Variants in TLL2 observed in about 807,000 individuals in gnomAD.
The protein encoded by TLL2 is tolloid-like protein 2.
In TLL2, 106 loss-of-function variants were observed where a neutral mutation model predicts 123.0. The observed-to-expected ratio is 0.86, with a 90% CI of 0.74 to 1.01. The LOEUF is 1.01. Among genes scored for constraint, TLL2 ranks in the 50% least tolerant of loss-of-function variants. The pLI is 0.00. For synonymous variants in TLL2, 494 were observed against 516.8 expected, an observed-to-expected ratio of 0.96 and a Z score of 0.60; for missense variants, 1,332 against 1,336.7, an observed-to-expected ratio of 1.00 and a Z score of 0.06.
At chr10:96,404,174 C>T (rs1429392053) in intron 10 of TLL2, among the ~76,000 whole-genome samples, 2 of 152,198 alleles carry the variant, frequency 1.3e-5, no homozygotes, top group Non-Finnish European at 2.9e-5. Flanking sequence ...TGTTGTTTCT[C>T]TATACTTTGT....
At chr10:96,472,454 A>G (rs894964865) in intron 2 of TLL2, among the ~76,000 whole-genome samples, 2 of 152,178 alleles carry the variant, frequency 1.3e-5, no homozygotes, top group African/African-American at 4.8e-5. Flanking sequence ...CCCCATCTAT[A>G]AGCTCTCTCA....
chr10:96,430,276 T>G (rs932615131), intron 4 of TLL2, among the ~76,000 whole-genome samples: 2 of 152,178 alleles, frequency 1.3e-5, no homozygotes, highest in Admixed American at 1.3e-4. Context: ...AAGTGTGTGG[T>G]ACCTACCCCA....
chr10:96,501,281 G>C (rs1847530860), intron 1 of TLL2, among the ~76,000 whole-genome samples: 1 of 152,202 alleles, frequency 6.6e-6, no homozygotes, highest in Non-Finnish European at 1.5e-5. Context: ...GAATATGTTT[G>C]AGTGAACTCA....
intron 3 of TLL2, among the ~76,000 whole-genome samples, chr10:96,444,173 G>A (rs1423327120): frequency 6.6e-6 from 1 of 152,172 alleles, no homozygotes; most frequent in Non-Finnish European, 1.5e-5. Context: ...TGGGAAAGGA[G>A]TACACTTATA....
At chr10:96,476,240 A>T (rs1356332402) in intron 2 of TLL2, among the ~76,000 whole-genome samples, 528 of 20,300 alleles carry the variant, frequency 0.026, 50 homozygotes, top group South Asian at 0.072. Flanking sequence ...ATATATATAT[A>T]TTTTATTTTT....
intron 15 of TLL2, among the ~76,000 whole-genome samples, 181 bp from the exon 16 acceptor site, chr10:96,384,948 T>C (rs1478959092): frequency 6.6e-6 from 1 of 152,202 alleles, no homozygotes; most frequent in Non-Finnish European, 1.5e-5. Context: ...GACCCCTGGC[T>C]CTCCCACTGA....
chr10:96,379,123 A>T, intron 16 of TLL2, 31 bp from the exon 17 acceptor site: 1 of 1,588,174 alleles, frequency 6.3e-7, no homozygotes, highest in Non-Finnish European at 8.6e-7. Flanking sequence ...TTCTAAGAGG[A>T]ACCGCCAACT....
intron 8 of TLL2, among the ~76,000 whole-genome samples, chr10:96,412,654 C>T (rs1329793603): frequency 6.6e-6 from 1 of 152,142 alleles, no homozygotes; most frequent in South Asian, 2.1e-4. Context: ...CTGACCAGCA[C>T]CTAGGATGGC....
At chr10:96,418,477 T>C (rs546623860) in intron 7 of TLL2, among the ~76,000 whole-genome samples, 28 of 152,278 alleles carry the variant, frequency 1.8e-4, no homozygotes, top group Non-Finnish European at 3.4e-4. Flanking sequence ...TGGAAATTTC[T>C]ACCCTCACCT....
At chr10:96,487,958 G>A (rs1281451371) in intron 1 of TLL2, among the ~76,000 whole-genome samples, 2 of 152,142 alleles carry the variant, frequency 1.3e-5, no homozygotes, top group South Asian at 2.1e-4. Context: ...AGTGGCTGAC[G>A]GTGAAGGAAC....
rs184059276 is a variant in TLL2 at position 96,512,717 on chromosome 10, G to C, written c.175+794C>G. Among the ~76,000 whole-genome samples the C allele has an allele frequency of 3.9e-3, 593 of 152,368 alleles. 6 individuals carry two copies. Among genetic ancestry groups the C allele is most frequent in the African/African-American group, 0.013 (531 of 41,590 alleles). ...ACTGCCCCACACTCATCAGCTTGCT[G>C]GAACATGCGCTTGGCCCTTCGGAGG... On this transcript the variant is annotated intron_variant, in intron 1 of 20. Coordinates refer to ENST00000357947, the MANE Select transcript of TLL2 (RefSeq NM_012465.4).
At chr10:96,374,117 C>A in intron 18 of TLL2, 1 of 350,012 alleles carries the variant, frequency 2.9e-6, no homozygotes. Context: ...AGCTATTAAG[C>A]GACAGAGCCA....
chr10:96,448,369 G>T (rs989988700), intron 2 of TLL2, among the ~76,000 whole-genome samples: 2 of 152,208 alleles, frequency 1.3e-5, no homozygotes, highest in Non-Finnish European at 2.9e-5. Context: ...CCTGTGGTGT[G>T]GAGGCGAGCT....
At chr10:96,485,574 C>G (rs1341158238) in intron 1 of TLL2, among the ~76,000 whole-genome samples, 1 of 152,194 alleles carries the variant, frequency 6.6e-6, no homozygotes, top group Non-Finnish European at 1.5e-5. Flanking sequence ...AAATGCAAAT[C>G]AAAACCACAA....
At chr10:96,392,860 G>C (rs1846301630) in intron 13 of TLL2, among the ~76,000 whole-genome samples, 1 of 152,174 alleles carries the variant, frequency 6.6e-6, no homozygotes, top group African/African-American at 2.4e-5. Context: ...GAAGGATCTT[G>C]GAGATGAGGA....
chr10:96,446,393 G>A (rs561489301), intron 2 of TLL2, among the ~76,000 whole-genome samples: 25 of 152,258 alleles, frequency 1.6e-4, no homozygotes, highest in Non-Finnish European at 3.4e-4. Context: ...CACATCAGTC[G>A]CAAATTAATA....
chr10:96,369,760 G>GA (rs112144254), intron 20 of TLL2, among the ~76,000 whole-genome samples: 1,593 of 105,676 alleles, frequency 0.015, 11 homozygotes, highest in Non-Finnish European at 0.017. Flanking sequence ...GGAAAAAAAA[G>GA]AAAAAAAAAA....
chr10:96,409,682 A>C (rs538955271), intron 9 of TLL2, among the ~76,000 whole-genome samples: 4 of 152,306 alleles, frequency 2.6e-5, no homozygotes, highest in Non-Finnish European at 4.4e-5. Context: ...CCCTGGGCTC[A>C]GCTCTAGGGG....
rs761523021 is a variant in TLL2 at position 96,384,649 on chromosome 10, C to A, written c.2132G>T (p.Arg711Leu). The A allele has an allele frequency of 1.2e-6, 2 of 1,612,504 alleles. No homozygotes were observed. Among genetic ancestry groups the A allele is most frequent in the East Asian group, 2.2e-5 (1 of 44,800 alleles). Residue 711 changes from arginine (R) to leucine (L), a missense_variant, in exon 16 of 21, where the codon CGC (arginine) becomes CTC (leucine). Arg to Leu is a moderately radical substitution (Grantham distance 102, BLOSUM62 -2). Coordinates refer to ENST00000357947, the MANE Select transcript of TLL2 (RefSeq NM_012465.4). ...EVITSQSNNM[R>L]VEFKSDNTVS... ...GGTGTTGTCGGACTTGAACTCCACG[C>A]GCATGTTGTTGCTCTGCGAGGTGAT...
Sources: allele counts gnomAD v4.1 joint callset (sites outside exome capture counted in the v4.1 genomes callset), GRCh38; gene constraint gnomAD v4.1.1; transcripts MANE v1.5; gene names NCBI Gene and HGNC (gene_info 2026-07-23, HGNC 2026-07-21).